The following PRLR variants were observed in gnomAD, a reference collection of about 807,000 sequenced individuals.
The protein encoded by PRLR is hPRL receptor.
A neutral mutation model predicts 40.2 loss-of-function variants in PRLR; 13 were observed. That is an observed-to-expected ratio of 0.32 (90% CI 0.21 to 0.51). PRLR has a LOEUF of 0.51. Among genes scored for constraint, PRLR ranks in the 20% least tolerant of loss-of-function variants. The probability of loss-of-function intolerance (pLI) is 0.97; values close to 1 mark genes in which losing one functional copy is unlikely to be tolerated. For missense variants in PRLR, 656 were observed against 747.3 expected (o/e 0.88, Z 1.42); for synonymous variants, 269 against 278.7 (o/e 0.97, Z 0.35).
intron 1 of PRLR, among the ~76,000 whole-genome samples, chr5:35,122,274 C>T (rs956100140): frequency 6.6e-6 from 1 of 152,024 alleles, no homozygotes; most frequent in African/African-American, 2.4e-5. Context: ...GGGGTACATG[C>T]TCAGGGTGTG....
At chr5:35,053,884 T>C (rs1768595103), downstream of PRLR, among the ~76,000 whole-genome samples, 1 of 152,168 alleles carries the variant, frequency 6.6e-6, no homozygotes, top group South Asian at 2.1e-4. Context: ...TGAGAATTAA[T>C]ATACCAGATA....
intron 1 of PRLR, among the ~76,000 whole-genome samples, chr5:35,145,405 C>T (rs1031914537): frequency 6.6e-6 from 1 of 152,160 alleles, no homozygotes; most frequent in African/African-American, 2.4e-5. Context: ...TGACTTCTTT[C>T]CTTTCCAGCT....
At chr5:35,145,051 C>A (rs961435864) in intron 1 of PRLR, among the ~76,000 whole-genome samples, 1 of 152,068 alleles carries the variant, frequency 6.6e-6, no homozygotes, top group African/African-American at 2.4e-5. Flanking sequence ...CCTTTGTATT[C>A]GTGATAAAAT....
At chr5:35,158,609 C>T (rs1382668890) in intron 1 of PRLR, among the ~76,000 whole-genome samples, 1 of 152,112 alleles carries the variant, frequency 6.6e-6, no homozygotes, top group Admixed American at 6.5e-5. Flanking sequence ...GTGCCCCTTG[C>T]TGGCACGTAT....
At chr5:35,050,870 T>C (rs748408525), downstream of PRLR, among the ~76,000 whole-genome samples, 8 of 152,248 alleles carry the variant, frequency 5.3e-5, no homozygotes, top group Non-Finnish European at 7.3e-5. Context: ...ACAATTTACA[T>C]GAAACTTCAT....
chr5:35,160,720 T>C lies in PRLR; in HGVS notation c.-105-42598A>G, dbSNP rs73078812. Among the ~76,000 whole-genome samples the C allele has an allele frequency of 3.6e-3, 543 of 152,354 alleles. 4 individuals carry two copies. Among genetic ancestry groups the C allele is most frequent in the African/African-American group, 0.013 (524 of 41,580 alleles). On this transcript the variant is annotated intron_variant, in intron 1 of 9. Coordinates refer to ENST00000618457, the MANE Select transcript of PRLR (RefSeq NM_000949.7). Reference sequence around the variant, plus strand: ...CATGGTTGGCTCCACTTGTACCAGATGGCTTCACCCGGACCTGCCAAATCA... The same window carrying C: ...CATGGTTGGCTCCACTTGTACCAGACGGCTTCACCCGGACCTGCCAAATCA...
intron 2 of PRLR, among the ~76,000 whole-genome samples, chr5:35,098,180 G>T (rs1180514849): frequency 6.6e-6 from 1 of 152,170 alleles, no homozygotes; most frequent in African/African-American, 2.4e-5. Context: ...GATGTGAATG[G>T]TCGTGATGTT....
intron 1 of PRLR, among the ~76,000 whole-genome samples, chr5:35,157,007 A>G (rs960714091): frequency 1.3e-5 from 2 of 151,968 alleles, no homozygotes; most frequent in Admixed American, 6.5e-5. Flanking sequence ...AGCTAAGCTC[A>G]TGGTCCAGAG....
rs1579560633 is a variant in PRLR, at chr5:35,065,558, G to T, written c.1400C>A (p.Ser467Tyr). The T allele has an allele frequency of 6.2e-7, 1 of 1,614,090 alleles. No homozygotes were observed. Among genetic ancestry groups the T allele is most frequent in the South Asian group, 1.1e-5 (1 of 91,078 alleles). The change falls in exon 10 of 10, where the codon TCT becomes TAT. Residue 467 changes from serine to tyrosine, a missense_variant. Coordinates refer to ENST00000618457, the MANE Select transcript of PRLR (RefSeq NM_000949.7). ...CTGGGTTGCCTTTCCCTCTTCTCTAGACTTAATGGTTTGAGAGGATTTTAA... is the reference window on the plus strand; with the variant it reads ...CTGGGTTGCCTTTCCCTCTTCTCTATACTTAATGGTTTGAGAGGATTTTAA... ...DALKSSQTIK[S>Y]REEGKATQQR...
chr5:35,050,863 A>G (rs955370862), downstream of PRLR, among the ~76,000 whole-genome samples: 4 of 152,192 alleles, frequency 2.6e-5, no homozygotes, highest in African/African-American at 7.2e-5. Flanking sequence ...AATTTATACA[A>G]TTTACATGAA....
At chr5:35,215,166 G>A (rs1776255409) in intron 1 of PRLR, among the ~76,000 whole-genome samples, 1 of 152,208 alleles carries the variant, frequency 6.6e-6, no homozygotes, top group African/African-American at 2.4e-5. Context: ...CTTATTGGCT[G>A]TCATGTGGTA....
Position 35,192,559 on chromosome 5 carries a change from C to T in PRLR, c.-106+37709G>A, listed in dbSNP as rs562179467. Among the ~76,000 whole-genome samples, 3 of 152,332 alleles carry T rather than the reference C, an allele frequency of 2.0e-5. No individual in the cohort carries two copies. The East Asian group carries it at 5.8e-4, about 29-fold the overall frequency. ...GGGAGGATTTGGGAGGTGTGAGAGT[C>T]ACATTCCCAGACAGAGGAACACAGT... On this transcript the variant is annotated intron_variant, in intron 1 of 9. Transcript: ENST00000618457.
chr5:35,127,426 A>T (rs1171844116), intron 1 of PRLR, among the ~76,000 whole-genome samples: 2 of 152,352 alleles, frequency 1.3e-5, no homozygotes, highest in South Asian at 4.1e-4. Flanking sequence ...ATCATCCTGC[A>T]AACCCCAACT....
intron 2 of PRLR, among the ~76,000 whole-genome samples, chr5:35,097,926 G>A (rs1257378540): frequency 2.0e-5 from 3 of 152,128 alleles, no homozygotes; most frequent in Non-Finnish European, 4.4e-5. Context: ...GGCAGGAAAG[G>A]AAGATGCAGT....
At chr5:35,054,446 T>C (rs1768624627), downstream of PRLR, among the ~76,000 whole-genome samples, 1 of 152,156 alleles carries the variant, frequency 6.6e-6, no homozygotes, top group Non-Finnish European at 1.5e-5. Flanking sequence ...TGTAAAATTA[T>C]AGCAGTGGTA....
intron 1 of PRLR, among the ~76,000 whole-genome samples, chr5:35,155,008 G>T (rs997371408): frequency 1.3e-5 from 2 of 151,620 alleles, no homozygotes; most frequent in African/African-American, 4.8e-5. Flanking sequence ...TCAGGGGAGG[G>T]TGGGCACCAG....
At chr5:35,159,684 A>C (rs991707839) in intron 1 of PRLR, among the ~76,000 whole-genome samples, 1 of 152,190 alleles carries the variant, frequency 6.6e-6, no homozygotes, top group Non-Finnish European at 1.5e-5. Flanking sequence ...TCATTGTAAC[A>C]GTTTAGTTCA....
At chr5:35,107,815 A>C (rs967769670) in intron 2 of PRLR, among the ~76,000 whole-genome samples, 1 of 152,234 alleles carries the variant, frequency 6.6e-6, no homozygotes. Flanking sequence ...AGCTGATACC[A>C]TTCCTTCTAA....
intron 1 of PRLR, among the ~76,000 whole-genome samples, chr5:35,165,970 T>C (rs962324284): frequency 6.6e-6 from 1 of 152,140 alleles, no homozygotes; most frequent in Non-Finnish European, 1.5e-5. Flanking sequence ...AATATTACCA[T>C]TTGGTTGATA....
Sources: gnomAD v4.1 joint callset for allele counts (sites outside exome capture counted in the v4.1 genomes callset) on GRCh38, gnomAD v4.1.1 for gene constraint, MANE v1.5 for transcripts, NCBI Gene and HGNC (gene_info 2026-07-23, HGNC 2026-07-21) for gene names.